SGCZ: variants seen among roughly 807,000 people sequenced by gnomAD.
SGCZ encodes the protein zeta-sarcoglycan.
In SGCZ, 40 loss-of-function variants were observed where a neutral mutation model predicts 41.3. The ratio of observed to expected loss-of-function variants is 0.97; its 90% confidence interval spans 0.75 to 1.26. The LOEUF (loss-of-function observed/expected upper bound fraction) is 1.26, where lower values mean the gene tolerates loss of function less well. Among genes scored for constraint, SGCZ ranks in the 50% most tolerant of loss-of-function variants. SGCZ has a pLI of 0.00. For synonymous variants in SGCZ, 206 were observed against 137.5 expected (o/e 1.50, Z -3.49); for missense variants, 552 against 369.8 (o/e 1.49, Z -4.04).
At chr8:14,680,755 G>GAAAA (rs1255117424) in intron 1 of SGCZ, among the ~76,000 whole-genome samples, 1 of 150,474 alleles carries the variant, frequency 6.6e-6, no homozygotes, top group African/African-American at 2.5e-5. Context: ...TTCCAAAGCA[G>GAAAA]AAAAAGGCAT....
chr8:15,104,230 A>G (rs1806728369), intron 1 of SGCZ, among the ~76,000 whole-genome samples: 1 of 152,144 alleles, frequency 6.6e-6, no homozygotes, highest in African/African-American at 2.4e-5. Flanking sequence ...CAGGATTCCT[A>G]CCCTCTCCAT....
intron 2 of SGCZ, among the ~76,000 whole-genome samples, chr8:14,388,812 A>C (rs2117211361): frequency 6.7e-6 from 1 of 149,182 alleles, no homozygotes; most frequent in East Asian, 1.9e-4. Flanking sequence ...CTGAACTTAA[A>C]ATAAAAGCTC....
At chr8:15,068,689 G>C (rs1805241440) in intron 1 of SGCZ, among the ~76,000 whole-genome samples, 1 of 152,122 alleles carries the variant, frequency 6.6e-6, no homozygotes, top group Non-Finnish European at 1.5e-5. Flanking sequence ...AAAACAATAA[G>C]TGGATGTTTT....
intron 1 of SGCZ, among the ~76,000 whole-genome samples, chr8:15,209,784 A>T (rs921218084): frequency 3.2e-4 from 48 of 152,288 alleles, no homozygotes; most frequent in Admixed American, 5.9e-4. Context: ...AATTAATTAA[A>T]AAAACTTTTT....
At chr8:14,349,790 C>CTTCTG (rs1803020507) in intron 2 of SGCZ, among the ~76,000 whole-genome samples, 2 of 152,176 alleles carry the variant, frequency 1.3e-5, no homozygotes, top group Middle Eastern at 3.4e-3. Context: ...TACTATGTCT[C>CTTCTG]AAAGTGTATC....
At chr8:15,204,061 T>G (rs951842038) in intron 1 of SGCZ, among the ~76,000 whole-genome samples, 1 of 152,184 alleles carries the variant, frequency 6.6e-6, no homozygotes, top group African/African-American at 2.4e-5. Context: ...ATAATTAACT[T>G]TTGAAATTAT....
At chr8:14,885,298 T>C (rs983129816) in intron 1 of SGCZ, among the ~76,000 whole-genome samples, 1 of 152,160 alleles carries the variant, frequency 6.6e-6, no homozygotes, top group African/African-American at 2.4e-5. Flanking sequence ...AGTGGGTGTT[T>C]GGGGATTAAT....
chr8:14,756,357 G>A (rs528171003), intron 1 of SGCZ, among the ~76,000 whole-genome samples: 2 of 152,040 alleles, frequency 1.3e-5, no homozygotes, highest in African/African-American at 4.8e-5. Context: ...GGCTAATTTT[G>A]TATTTTTAGT....
At chr8:14,425,790 C>G (rs10503498) in intron 2 of SGCZ, among the ~76,000 whole-genome samples, 34,043 of 151,848 alleles carry the variant, frequency 0.22, 4,088 homozygotes, top group Non-Finnish European at 0.29. Flanking sequence ...AAAAGTGGTA[C>G]AGACTATAAT....
intron 3 of SGCZ, among the ~76,000 whole-genome samples, chr8:14,297,906 T>A (rs1801066574): frequency 6.6e-6 from 1 of 151,928 alleles, no homozygotes; most frequent in African/African-American, 2.4e-5. Flanking sequence ...GGAGAATGAA[T>A]GGTGATAATA....
chr8:14,161,859 A>G (rs1487213156), intron 5 of SGCZ, among the ~76,000 whole-genome samples: 2 of 152,166 alleles, frequency 1.3e-5, no homozygotes, highest in African/African-American at 4.8e-5. Flanking sequence ...ATCTATACAT[A>G]CAGTCACATA....
chr8:14,821,726 T>C (rs950412292), intron 1 of SGCZ, among the ~76,000 whole-genome samples: 5 of 151,994 alleles, frequency 3.3e-5, no homozygotes, highest in African/African-American at 1.2e-4. Context: ...CTATGATCAT[T>C]TTAATAGAGG....
At chr8:14,417,973 G>A (rs879792859) in intron 2 of SGCZ, among the ~76,000 whole-genome samples, 32 of 151,788 alleles carry the variant, frequency 2.1e-4, no homozygotes, top group African/African-American at 6.5e-4. Flanking sequence ...TTGTCGAAGC[G>A]TATCTTTCTT....
chr8:14,090,199 A>G lies in SGCZ; in HGVS notation c.*244T>C, dbSNP rs980092565. ...ACCTATGTTATTCTCCCTTTCGAGCAAAAGTCATGATCCAGTTTTCCTGCT... is the reference window on the plus strand; with the variant it reads ...ACCTATGTTATTCTCCCTTTCGAGCGAAAGTCATGATCCAGTTTTCCTGCT... On this transcript the variant is annotated 3_prime_UTR_variant, in exon 8 of 8. Transcript: ENST00000382080. The G allele has an allele frequency of 2.0e-5, 7 of 349,378 alleles. No homozygotes were observed. The highest frequency in any genetic ancestry group is 3.6e-5 in the Non-Finnish European group (7 of 194,340). 21.6% of individuals were successfully genotyped at this position (349,378 alleles called of 1,614,324 possible). A position where few individuals can be genotyped will look rare whatever the true frequency, so the allele number is the denominator to read the frequency against.
At chr8:15,069,464 A>T (rs1805273806) in intron 1 of SGCZ, among the ~76,000 whole-genome samples, 1 of 152,174 alleles carries the variant, frequency 6.6e-6, no homozygotes, top group Non-Finnish European at 1.5e-5. Context: ...CAAGATTTTC[A>T]AGATCTTATA....
intron 4 of SGCZ, among the ~76,000 whole-genome samples, chr8:14,235,584 G>C (rs2117161711): frequency 6.6e-6 from 1 of 152,308 alleles, no homozygotes; most frequent in East Asian, 1.9e-4. Context: ...AATGCAAACA[G>C]TATTTGCACT....
intron 1 of SGCZ, among the ~76,000 whole-genome samples, chr8:14,994,079 A>G (rs1802122645): frequency 6.6e-6 from 1 of 152,138 alleles, no homozygotes; most frequent in Non-Finnish European, 1.5e-5. Flanking sequence ...TTCTGAGTAT[A>G]TTTTAAATGC....
chr8:14,885,042 A>C (rs2130730904), intron 1 of SGCZ, among the ~76,000 whole-genome samples: 1 of 152,154 alleles, frequency 6.6e-6, no homozygotes, highest in South Asian at 2.1e-4. Flanking sequence ...ATTGTATTTT[A>C]TTTCTGTTTT....
At chr8:15,151,733 C>T (rs1042902973) in intron 1 of SGCZ, among the ~76,000 whole-genome samples, 8 of 152,192 alleles carry the variant, frequency 5.3e-5, no homozygotes, top group Non-Finnish European at 1.2e-4. Context: ...ATACTGATGC[C>T]TCACAGCAGT....
Sources: allele counts gnomAD v4.1 joint callset (sites outside exome capture counted in the v4.1 genomes callset), GRCh38; gene constraint gnomAD v4.1.1; transcripts MANE v1.5; gene names NCBI Gene and HGNC (gene_info 2026-07-23, HGNC 2026-07-21).